SLCO4A1: variants seen among roughly 807,000 people sequenced by gnomAD.
SLCO4A1 encodes solute carrier organic anion transporter family member 4A1.
In SLCO4A1, 51 loss-of-function variants were observed where a neutral mutation model predicts 64.6. The observed-to-expected ratio is 0.79, with a 90% CI of 0.63 to 1.00. SLCO4A1 has a LOEUF of 1.00. Ranked by LOEUF, SLCO4A1 falls within the 50% of genes least tolerant of loss-of-function variation. The pLI is 0.00. For missense variants in SLCO4A1, 919 were observed against 980.5 expected (o/e 0.94, Z 0.84); for synonymous variants, 471 against 444.9 (o/e 1.06, Z -0.74).
At chr20:62,646,543 AC>A (rs1318618184) in intron 1 of SLCO4A1, among the ~76,000 whole-genome samples, 1 of 152,114 alleles carries the variant, frequency 6.6e-6, no homozygotes, top group African/African-American at 2.4e-5. Context: ...AGCCACTTCC[AC>A]CCCAGCCATG....
intron 1 of SLCO4A1, among the ~76,000 whole-genome samples, chr20:62,653,345 C>G (rs1049740316): frequency 2.0e-5 from 3 of 152,222 alleles, no homozygotes; most frequent in African/African-American, 7.2e-5. Flanking sequence ...AGACGTAAAA[C>G]AAGCCTTGCC....
rs1981142390 is a variant in SLCO4A1, at chr20:62,645,471, T to TGAGGGG, written c.-97+2919_-97+2920insAGGGGG. Among the ~76,000 whole-genome samples, 1 of 142,290 alleles carries TGAGGGG rather than the reference T, an allele frequency of 7.0e-6. No individual in the cohort carries two copies. The highest frequency in any genetic ancestry group is 2.6e-5 in the African/African-American group (1 of 38,258). 93.3% of individuals were successfully genotyped at this position (142,290 alleles called of 152,430 possible). On this transcript the variant is annotated intron_variant, in intron 1 of 11. Coordinates refer to ENST00000217159, the MANE Select transcript of SLCO4A1 (RefSeq NM_016354.4). The surrounding 1 kb of genome is among the most constrained non-coding windows in gnomAD (Gnocchi z 4.2). ...GTGAGGGTGCGGGTGAGGATGAGGG[T>TGAGGGG]GCGGGTGAGGACCCACCCACACCCG...
intron 1 of SLCO4A1, chr20:62,649,928 G>A (rs1982146717): frequency 6.6e-6 from 1 of 152,352 alleles, no homozygotes; most frequent in Non-Finnish European, 1.5e-5. Flanking sequence ...GGCCCTTGGA[G>A]GGAGGCCTTT....
chr20:62,643,034 G>A (rs1301032517), intron 1 of SLCO4A1: 3 of 470,226 alleles, frequency 6.4e-6, no homozygotes, highest in African/African-American at 4.0e-5. Context: ...CGCTGCTGCC[G>A]AGTCAAGGAG....
chr20:62,660,496 C>T lies in SLCO4A1; in HGVS notation c.972C>T (p.Thr324=), dbSNP rs372932311. The stretch of plus-strand genomic sequence containing the variant: ...GCTCTGGGGCCGCTGCTTTCTTCAC[C>T]GCCGTTCCCATCCTTGGTTACCCTC... ...FLGSGAAAFF[T]AVPILGYPRQ... The change falls in exon 4 of 12, where the codon ACC becomes ACT. Residue 324 remains threonine (T), a synonymous_variant. Coordinates refer to ENST00000217159, the MANE Select transcript of SLCO4A1 (RefSeq NM_016354.4). The T allele has an allele frequency of 2.5e-5, 40 of 1,605,436 alleles. No individual in the cohort carries two copies. The highest frequency in any genetic ancestry group is 3.2e-5 in the Non-Finnish European group (38 of 1,179,958).
rs796766059 is a variant in SLCO4A1, at chr20:62,663,639, A to G, written c.1122-1295A>G. Reference sequence around the variant, plus strand: ...TGTTATGAGTTCCAGGGACAGGACAATAGCTGTGTCTGCAAACACCCCCAC... The same window carrying G: ...TGTTATGAGTTCCAGGGACAGGACAGTAGCTGTGTCTGCAAACACCCCCAC... On this transcript the variant is annotated intron_variant, in intron 5 of 11. Transcript: ENST00000217159. 5.8e-4 allele frequency among the ~76,000 whole-genome samples: 88 copies of G among 152,284 alleles called. 1 individual carries two copies. Among genetic ancestry groups the G allele is most frequent in the African/African-American group, 2.0e-3 (85 of 41,558 alleles).
At chr20:62,676,938 A>T (rs1402398671), downstream of SLCO4A1, among the ~76,000 whole-genome samples, 1 of 152,244 alleles carries the variant, frequency 6.6e-6, no homozygotes, top group Non-Finnish European at 1.5e-5. Flanking sequence ...CTGTCCACAC[A>T]GTGGGTCTTG....
downstream of SLCO4A1, among the ~76,000 whole-genome samples, chr20:62,688,384 C>T (rs1026299388): frequency 1.3e-5 from 2 of 152,178 alleles, no homozygotes; most frequent in Admixed American, 6.5e-5. Flanking sequence ...CAACCCTGCC[C>T]GTGCACCAAT....
At chr20:62,686,020 G>A (rs1426390791), downstream of SLCO4A1, among the ~76,000 whole-genome samples, 3 of 152,130 alleles carry the variant, frequency 2.0e-5, no homozygotes, top group Non-Finnish European at 4.4e-5. Flanking sequence ...AGACAGTGTG[G>A]GGAAGGTACC....
intron 11 of SLCO4A1, among the ~76,000 whole-genome samples, chr20:62,669,510 C>T (rs949617636): frequency 1.3e-5 from 2 of 152,348 alleles, no homozygotes; most frequent in Non-Finnish European, 2.9e-5. Flanking sequence ...GCAGCCTCTC[C>T]GTGATCAGTG....
chr20:62,653,346 A>G (rs2147070424), intron 1 of SLCO4A1, among the ~76,000 whole-genome samples: 1 of 152,288 alleles, frequency 6.6e-6, no homozygotes, highest in Non-Finnish European at 1.5e-5. Context: ...GACGTAAAAC[A>G]AGCCTTGCCT....
chr20:62,644,937 C>A lies in SLCO4A1; in HGVS notation c.-97+2384C>A, dbSNP rs1601600094. Among the ~76,000 whole-genome samples, 1 of 152,362 alleles carries A rather than the reference C, an allele frequency of 6.6e-6. No homozygotes were observed. The highest frequency in any genetic ancestry group is 1.5e-5 in the Non-Finnish European group (1 of 68,036). ...TGGGAGAGAGCCACGCCAGGCCAGC[C>A]CTCCTGCTTCCTCAAGCGGGCTGTG... On this transcript the variant is annotated intron_variant, in intron 1 of 11. Transcript: ENST00000217159. The surrounding 1 kb of genome is among the most constrained non-coding windows in gnomAD (Gnocchi z 5.4).
chr20:62,654,989 C>T (rs1166184198), intron 1 of SLCO4A1, among the ~76,000 whole-genome samples: 1 of 152,184 alleles, frequency 6.6e-6, no homozygotes, highest in African/African-American at 2.4e-5. Flanking sequence ...ATAATATGGA[C>T]ACCGGTCAGA....
At chr20:62,657,654 C>T (rs1983988277) in intron 2 of SLCO4A1, among the ~76,000 whole-genome samples, 1 of 152,186 alleles carries the variant, frequency 6.6e-6, no homozygotes, top group Non-Finnish European at 1.5e-5. Context: ...GGATAAGTGA[C>T]GAGGGACAGA....
At chr20:62,678,162 G>GGGCGAGC (rs1415630058) in intron 2 of SLCO4A1, among the ~76,000 whole-genome samples, 52 of 152,356 alleles carry the variant, frequency 3.4e-4, no homozygotes, top group African/African-American at 1.2e-3. Context: ...CAGATGCCCT[G>GGGCGAGC]GGCGAGCGGC....
intron 11 of SLCO4A1, among the ~76,000 whole-genome samples, chr20:62,669,707 G>C (rs1440592834): frequency 1.3e-5 from 2 of 152,078 alleles, no homozygotes; most frequent in African/African-American, 4.8e-5. Flanking sequence ...CAGCTGTTCA[G>C]AGGATCTTGA....
At chr20:62,666,629 C>A in intron 7 of SLCO4A1, 54 bp downstream of exon 7, 2 of 1,482,092 alleles carry the variant, frequency 1.3e-6, no homozygotes, top group Non-Finnish European at 9.3e-7. Context: ...ACCCGCGGTC[C>A]CTGGGCATGG....
intron 3 of SLCO4A1, among the ~76,000 whole-genome samples, 197 bp downstream of exon 3, chr20:62,658,964 C>T (rs1004147375): frequency 6.6e-6 from 1 of 152,224 alleles, no homozygotes; most frequent in African/African-American, 2.4e-5. Context: ...GGAGTCGGCC[C>T]CAGGGCAGGA....
rs1034612628 is a variant in SLCO4A1, at chr20:62,685,491, A to C, written n.262A>C. On this transcript the variant is annotated non_coding_transcript_exon_variant, in exon 3 of 3. Coordinates refer to the SLCO4A1 transcript ENST00000466818. The surrounding 1 kb of genome is among the most constrained non-coding windows in gnomAD (Gnocchi z 4.6). Reference sequence around the variant, plus strand: ...TGTAAACCCCATCTGAGCCTTACACATAGATCTCCTTGAATTGGATTTTCA... The same window carrying C: ...TGTAAACCCCATCTGAGCCTTACACCTAGATCTCCTTGAATTGGATTTTCA... 58 of 974,370 alleles carry C rather than the reference A, an allele frequency of 6.0e-5. No individual in the cohort carries two copies. In the African/African-American group the frequency reaches 9.6e-4, roughly 16 times the overall value. The allele number at this position is 974,370 out of a possible 1,614,324, so 60.4% of individuals were successfully genotyped here.
Sources: allele counts gnomAD v4.1 joint callset (sites outside exome capture counted in the v4.1 genomes callset), GRCh38; gene constraint gnomAD v4.1.1; non-coding constraint Gnocchi (gnomAD v3.1); transcripts MANE v1.5; gene names NCBI Gene and HGNC (gene_info 2026-07-23, HGNC 2026-07-21).